Variants in HIP1 observed in about 807,000 individuals in gnomAD.
HIP1 encodes huntingtin-interacting protein 1.
In HIP1, 65 loss-of-function variants were observed where a neutral mutation model predicts 147.6. The observed-to-expected ratio is 0.44, with a 90% CI of 0.36 to 0.54. The LOEUF is 0.54. HIP1 is among the 20% of genes least tolerant of loss of function. The probability of loss-of-function intolerance (pLI) is 0.00; values close to 1 mark genes in which losing one functional copy is unlikely to be tolerated. For missense variants in HIP1, 1,061 were observed against 1,299.6 expected, an observed-to-expected ratio of 0.82 and a Z score of 2.82; for synonymous variants, 479 against 504.0, an observed-to-expected ratio of 0.95 and a Z score of 0.67.
intron 1 of HIP1, among the ~76,000 whole-genome samples, chr7:75,721,675 C>G (rs1225033286): frequency 6.6e-6 from 1 of 152,170 alleles, no homozygotes; most frequent in Non-Finnish European, 1.5e-5. Context: ...AAGCAGAGGA[C>G]AGAAGATGGT....
At chr7:75,686,498 G>A (rs1397920465) in intron 1 of HIP1, among the ~76,000 whole-genome samples, 1 of 152,146 alleles carries the variant, frequency 6.6e-6, no homozygotes, top group African/African-American at 2.4e-5. Flanking sequence ...CTTAGCTGGG[G>A]TTCCCATGGA....
chr7:75,553,462 G>C lies in HIP1; in HGVS notation c.2286C>G (p.Ala762=). The change falls in exon 22 of 31, where the codon GCC becomes GCG. Residue 762 remains alanine, a synonymous_variant. Transcript: ENST00000336926. Reference sequence around the variant, plus strand: ...ATACTACTCCAAGTACCTCGCCGATGGCCTTGATCTTGCTCAGGCAGTTCC... The same window carrying C: ...ATACTACTCCAAGTACCTCGCCGATCGCCTTGATCTTGCTCAGGCAGTTCC... ...AMRNCLSKIK[A]IGEELLPRGL... 6.2e-7 allele frequency: 1 copy of C among 1,614,006 alleles called. No individual in the cohort carries two copies.
At chr7:75,717,520 C>A (rs1460561965) in intron 1 of HIP1, among the ~76,000 whole-genome samples, 10 of 151,844 alleles carry the variant, frequency 6.6e-5, no homozygotes, top group Non-Finnish European at 1.2e-4. Flanking sequence ...ACAATGGCTA[C>A]AAACTATAGC....
intron 1 of HIP1, among the ~76,000 whole-genome samples, chr7:75,663,376 A>C (rs558639199): frequency 2.0e-4 from 31 of 152,254 alleles, no homozygotes; most frequent in African/African-American, 7.2e-4. Flanking sequence ...AGGTGGGAGG[A>C]TCGCTGGAAC....
chr7:75,706,109 G>T (rs1231473402), intron 1 of HIP1, among the ~76,000 whole-genome samples: 2 of 151,940 alleles, frequency 1.3e-5, no homozygotes, highest in African/African-American at 2.4e-5. Context: ...TGGCCAGGCT[G>T]GTCTCGAACT....
intron 21 of HIP1, 77 bp from the exon 22 acceptor site, chr7:75,553,666 C>T (rs782084004): frequency 1.5e-5 from 21 of 1,391,020 alleles, no homozygotes; most frequent in South Asian, 8.7e-5. Flanking sequence ...AGTGCAGTGG[C>T]GCCATCTCGG....
rs1430018958 is a variant in HIP1, at chr7:75,555,515, T to C, written c.1864A>G (p.Met622Val). ...MCQLAKDQRK[M>V]LLVGSRKAAE... ...GCCTTCCTGGACCCCACCAGAAGCA[T>C]TTTTCGTTGGTCTTTGGCAAGCTGG... The change falls in exon 19 of 31, where the codon ATG becomes GTG. Residue 622 changes from methionine (M) to valine (V), a missense_variant. This residue lies in a region of HIP1 where 810 missense variants were observed against 946.8 expected (regional missense o/e 0.86). Coordinates refer to ENST00000336926, the MANE Select transcript of HIP1 (RefSeq NM_005338.7). The C allele has an allele frequency of 5.0e-6, 8 of 1,614,064 alleles. No homozygotes were observed. The Admixed American group carries it at 1.2e-4, about 24-fold the overall frequency.
chr7:75,610,056 C>A (rs1797373938), intron 1 of HIP1, among the ~76,000 whole-genome samples: 1 of 151,948 alleles, frequency 6.6e-6, no homozygotes, highest in Non-Finnish European at 1.5e-5. Context: ...GCCCACACCA[C>A]CACACCTGGC....
At chr7:75,569,064 AG>A (rs1327193521) in intron 8 of HIP1, among the ~76,000 whole-genome samples, 5 of 152,064 alleles carry the variant, frequency 3.3e-5, no homozygotes, top group Non-Finnish European at 7.4e-5. Context: ...CTTGGTTGGT[AG>A]CTAACTCTAT....
At chr7:75,717,570 A>G (rs1554520729) in intron 1 of HIP1, among the ~76,000 whole-genome samples, 1 of 150,876 alleles carries the variant, frequency 6.6e-6, no homozygotes, top group African/African-American at 2.4e-5. Context: ...GGTGGCTTAC[A>G]CCCATAATCT....
At position 75,557,892 on chromosome 7, in the gene HIP1, C is replaced by T. The variant is rs587711224; in HGVS notation, c.1465-122G>A. On this transcript the variant is annotated intron_variant, in intron 15 of 30. Transcript: ENST00000336926. ...GTCAGACACAGGAATCACTTTCCTA[C>T]CCACAGCCGGAACAGAGCCATCACC... 6 of 757,818 alleles carry T rather than the reference C, an allele frequency of 7.9e-6. No homozygotes were observed. In the South Asian group the frequency reaches 9.0e-5, roughly 11 times the overall value. The allele number at this position is 757,818 out of a possible 1,614,324, so 46.9% of individuals were successfully genotyped here.
At chr7:75,681,292 C>T (rs1800057833) in intron 1 of HIP1, among the ~76,000 whole-genome samples, 1 of 152,114 alleles carries the variant, frequency 6.6e-6, no homozygotes, top group Non-Finnish European at 1.5e-5. Context: ...CCTGCAGGCG[C>T]TCTGCACTGT....
At chr7:75,621,066 C>CA (rs1797829860) in intron 1 of HIP1, among the ~76,000 whole-genome samples, 1 of 151,856 alleles carries the variant, frequency 6.6e-6, no homozygotes, top group South Asian at 2.1e-4. Flanking sequence ...CCTGTCTCTA[C>CA]AAAAAAATTT....
chr7:75,729,307 A>C (rs1350351981), intron 1 of HIP1, among the ~76,000 whole-genome samples: 16 of 53,858 alleles, frequency 3.0e-4, no homozygotes, highest in African/African-American at 1.2e-3. Flanking sequence ...TGTCTCTGCA[A>C]AAAAAAAAAA....
chr7:75,557,981 T>C (rs1332038311), intron 15 of HIP1, among the ~76,000 whole-genome samples, 186 bp downstream of exon 15: 1 of 152,214 alleles, frequency 6.6e-6, no homozygotes. Flanking sequence ...TACATGGGAT[T>C]GGCACCCAGG....
chr7:75,686,843 C>CT (rs55942242), intron 1 of HIP1, among the ~76,000 whole-genome samples: 1,434 of 80,122 alleles, frequency 0.018, 30 homozygotes, highest in Non-Finnish European at 0.023. Context: ...TATTTTAGTT[C>CT]TTTTTTTTTT....
chr7:75,610,079 T>C (rs1797375349), intron 1 of HIP1, among the ~76,000 whole-genome samples: 1 of 151,878 alleles, frequency 6.6e-6, no homozygotes, highest in African/African-American at 2.4e-5. Flanking sequence ...ATTTTTGTAT[T>C]TTTAGTAGAG....
chr7:75,663,051 G>A (rs1554513878), intron 1 of HIP1, among the ~76,000 whole-genome samples: 1 of 152,124 alleles, frequency 6.6e-6, no homozygotes, highest in African/African-American at 2.4e-5. Context: ...ATATTTGCAT[G>A]CCTGTGAGTT....
intron 5 of HIP1, 144 bp from the exon 6 acceptor site, chr7:75,582,295 C>T (rs587703293): frequency 5.3e-5 from 34 of 645,174 alleles, no homozygotes; most frequent in African/African-American, 4.9e-4. Context: ...TTCAAGTTTA[C>T]AGTTCAAGGC....
Sources: gnomAD v4.1 joint callset for allele counts (sites outside exome capture counted in the v4.1 genomes callset) on GRCh38, gnomAD v4.1.1 for gene constraint, gnomAD v4.1.1 regional missense constraint, MANE v1.5 for transcripts, NCBI Gene and HGNC (gene_info 2026-07-23, HGNC 2026-07-21) for gene names.